The following ZNF804B variants were observed in gnomAD, a reference collection of about 807,000 sequenced individuals.
ZNF804B encodes the protein zinc finger 804B.
A neutral mutation model predicts 101.4 loss-of-function variants in ZNF804B; 80 were observed. The observed-to-expected ratio is 0.79, with a 90% CI of 0.66 to 0.95. The LOEUF is 0.95. Among genes scored for constraint, ZNF804B ranks in the 40% least tolerant of loss-of-function variants. ZNF804B has a pLI of 0.00. For synonymous variants in ZNF804B, 622 were observed against 558.8 expected, an observed-to-expected ratio of 1.11 and a Z score of -1.59; for missense variants, 1,673 against 1,561.9, an observed-to-expected ratio of 1.07 and a Z score of -1.20.
intron 1 of ZNF804B, among the ~76,000 whole-genome samples, chr7:88,886,776 A>G (rs1792134612): frequency 6.6e-6 from 1 of 151,850 alleles, no homozygotes; most frequent in African/African-American, 2.4e-5. Context: ...CTAATTTCTG[A>G]AAGATGCAGA....
chr7:89,132,310 GAAAACAAAAC>G (rs887992467), intron 1 of ZNF804B, among the ~76,000 whole-genome samples: 20 of 151,986 alleles, frequency 1.3e-4, no homozygotes, highest in Admixed American at 3.3e-4. Flanking sequence ...GGAATTTTCT[GAAAACAAAAC>G]AAAACAAAAC....
In ZNF804B at chr7:89,333,384, A is replaced by G. The variant is rs746303492; in HGVS notation, c.402A>G (p.Ala134=). The change falls in exon 4 of 4, where the codon GCA becomes GCG. Residue 134 remains alanine, a synonymous_variant. Coordinates refer to ENST00000333190, the MANE Select transcript of ZNF804B (RefSeq NM_181646.5). ...QSECVSGNGP[A]YKAPRVAIEK... ...ACAGTGTTTCTGGAAATGGACCAGC[A>G]TACAAAGCCCCCAGGGTAGCCATAG... The G allele has an allele frequency of 6.2e-7, 1 of 1,605,226 alleles. No individual in the cohort carries two copies. The highest frequency in any genetic ancestry group is 1.1e-5 in the South Asian group (1 of 90,140).
At chr7:89,145,986 A>C (rs919320222) in intron 1 of ZNF804B, among the ~76,000 whole-genome samples, 2 of 152,090 alleles carry the variant, frequency 1.3e-5, no homozygotes, top group Admixed American at 1.3e-4. Flanking sequence ...ATGAACTGAG[A>C]TCTTCAGCAT....
intron 2 of ZNF804B, among the ~76,000 whole-genome samples, chr7:89,222,847 C>A (rs901632004): frequency 6.6e-6 from 1 of 151,734 alleles, no homozygotes; most frequent in Non-Finnish European, 1.5e-5. Flanking sequence ...TTTTTGTATA[C>A]GCTTCCCACT....
At chr7:89,147,649 T>G (rs1390885848) in intron 1 of ZNF804B, among the ~76,000 whole-genome samples, 1 of 151,960 alleles carries the variant, frequency 6.6e-6, no homozygotes, top group African/African-American at 2.4e-5. Flanking sequence ...GCGAGAAATC[T>G]TCATCTTTAT....
chr7:89,009,999 C>T (rs190265359), intron 1 of ZNF804B, among the ~76,000 whole-genome samples: 1 of 152,188 alleles, frequency 6.6e-6, no homozygotes, highest in African/African-American at 2.4e-5. Flanking sequence ...AATCTATCAC[C>T]AAATTCTTTT....
intron 1 of ZNF804B, among the ~76,000 whole-genome samples, chr7:88,872,607 C>A (rs1300630113): frequency 6.6e-6 from 1 of 150,956 alleles, no homozygotes; most frequent in Non-Finnish European, 1.5e-5. Flanking sequence ...CTCCCAATGC[C>A]ATCCCTCCCC....
intron 2 of ZNF804B, among the ~76,000 whole-genome samples, chr7:89,294,844 TC>T (rs1387297398): frequency 1.3e-5 from 2 of 152,144 alleles, no homozygotes; most frequent in Non-Finnish European, 2.9e-5. Context: ...TTCGGTTCTA[TC>T]TACATTTTTT....
At chr7:89,200,551 C>A (rs527478432) in intron 1 of ZNF804B, among the ~76,000 whole-genome samples, 2 of 152,066 alleles carry the variant, frequency 1.3e-5, no homozygotes, top group African/African-American at 4.8e-5. Context: ...AAGATTGATA[C>A]AACAAAATAT....
chr7:88,877,010 ATATATATATATATATAAT>A (rs1791951731), intron 1 of ZNF804B, among the ~76,000 whole-genome samples: 1 of 62,042 alleles, frequency 1.6e-5, no homozygotes, highest in South Asian at 5.3e-4. Context: ...AAAAAAAAAT[ATATATATATATATATAAT>A]ATATATATAT....
Position 89,334,896 on chromosome 7 carries a change from A to C in ZNF804B, c.1914A>C (p.Lys638Asn), listed in dbSNP as rs144233896. The change falls in exon 4 of 4, where the codon AAA (lysine) becomes AAC (asparagine). Residue 638 changes from lysine (K) to asparagine (N), a missense_variant. By Grantham distance (94) the Lys-to-Asn change is moderately conservative. Transcript: ENST00000333190. ...PSYISRFKKH[K>N]LIPCSPHLEF... is the part of the protein sequence containing the mutation. ...ACATCTCTAGGTTTAAAAAGCATAAATTGATTCCCTGCAGTCCTCATTTGG... is the reference window on the plus strand; with the variant it reads ...ACATCTCTAGGTTTAAAAAGCATAACTTGATTCCCTGCAGTCCTCATTTGG... 1.9e-6 allele frequency: 3 copies of C among 1,613,812 alleles called. No individual in the cohort carries two copies. Among genetic ancestry groups the C allele is most frequent in the African/African-American group, 2.7e-5 (2 of 75,026 alleles).
At chr7:88,892,327 T>C (rs1347039318) in intron 1 of ZNF804B, among the ~76,000 whole-genome samples, 1 of 152,154 alleles carries the variant, frequency 6.6e-6, no homozygotes, top group Non-Finnish European at 1.5e-5. Context: ...GTTTTTTGGG[T>C]TTGTTTATGA....
intron 1 of ZNF804B, among the ~76,000 whole-genome samples, chr7:89,120,657 C>CAAAAAAAAAAA (rs10636811): frequency 9.7e-6 from 1 of 103,322 alleles, no homozygotes; most frequent in African/African-American, 4.1e-5. Context: ...GACTCCGCCT[C>CAAAAAAAAAAA]AAAAAAAAAA....
chr7:88,846,722 A>G (rs1006700921), intron 1 of ZNF804B, among the ~76,000 whole-genome samples: 15 of 152,238 alleles, frequency 9.9e-5, no homozygotes, highest in African/African-American at 3.6e-4. Context: ...ATATGTCTAT[A>G]TGTGAGACTA....
chr7:89,140,442 TC>T (rs1790700104), intron 1 of ZNF804B, among the ~76,000 whole-genome samples: 1 of 152,098 alleles, frequency 6.6e-6, no homozygotes, highest in Admixed American at 6.6e-5. Context: ...CTTATCTTTA[TC>T]CAATAAAAGG....
intron 1 of ZNF804B, among the ~76,000 whole-genome samples, chr7:88,895,085 T>A (rs901456885): frequency 2.0e-5 from 3 of 152,240 alleles, no homozygotes; most frequent in Non-Finnish European, 4.4e-5. Context: ...TAGATTTTTT[T>A]ATTTTGTTTT....
At chr7:88,941,658 C>T (rs1793056428) in intron 1 of ZNF804B, among the ~76,000 whole-genome samples, 2 of 151,882 alleles carry the variant, frequency 1.3e-5, no homozygotes, top group Non-Finnish European at 2.9e-5. Context: ...GACAGTGGAT[C>T]TATTTTGTAT....
chr7:89,221,697 TTCTA>T lies in ZNF804B; in HGVS notation c.249+3404_249+3407del, dbSNP rs1789006110. On this transcript the variant is annotated intron_variant, in intron 2 of 3. Transcript: ENST00000333190. ...TAAACAACCTTCCTCAATATTTCTA[TTCTA>T]TTCTATTCTATTCTATTCTATTCTA... Among the ~76,000 whole-genome samples the T allele has an allele frequency of 1.4e-3, 83 of 58,218 alleles. 1 individual carries two copies. The highest frequency in any genetic ancestry group is 8.1e-3 in the Middle Eastern group (1 of 124). The allele number at this position is 58,218 out of a possible 152,430, so 38.2% of individuals were successfully genotyped here.
At chr7:89,256,894 C>T (rs1789639537) in intron 2 of ZNF804B, among the ~76,000 whole-genome samples, 1 of 151,884 alleles carries the variant, frequency 6.6e-6, no homozygotes, top group South Asian at 2.1e-4. Flanking sequence ...CATCTGGTGG[C>T]GATTATTCAG....
Sources: allele counts gnomAD v4.1 joint callset (sites outside exome capture counted in the v4.1 genomes callset), GRCh38; gene constraint gnomAD v4.1.1; transcripts MANE v1.5; gene names NCBI Gene and HGNC (gene_info 2026-07-23, HGNC 2026-07-21).